TULP3: variants seen among roughly 807,000 people sequenced by gnomAD.
TULP3 encodes the protein tubby-related protein 3.
TULP3 carries 38 observed loss-of-function variants against 50.7 expected under a neutral mutation model. The ratio of observed to expected loss-of-function variants is 0.75; its 90% CI spans 0.58 to 0.98. The LOEUF is 0.98. Ranked by LOEUF, TULP3 falls within the 50% of genes least tolerant of loss-of-function variation. The pLI is 0.00. For synonymous variants in TULP3, 183 were observed against 196.6 expected (o/e 0.93, Z 0.58); for missense variants, 550 against 568.0 (o/e 0.97, Z 0.32).
intron 4 of TULP3, among the ~76,000 whole-genome samples, chr12:2,926,567 T>C (rs1412214083): frequency 6.6e-6 from 1 of 152,150 alleles, no homozygotes; most frequent in Non-Finnish European, 1.5e-5. Context: ...GTAACAACTC[T>C]TTTGAGATAT....
Position 2,922,246 on chromosome 12 carries a change from T to G in TULP3, c.254-16T>G, listed in dbSNP as rs2098192221. On this transcript the variant is annotated splice_polypyrimidine_tract_variant and intron_variant, in intron 3 of 10. Transcript: ENST00000448120. ...CTTTGCTCCTTTTTTAAAATTCATTTTATTTTGGCCCTTAGGTATTGATGG... is the reference window on the plus strand; with the variant it reads ...CTTTGCTCCTTTTTTAAAATTCATTGTATTTTGGCCCTTAGGTATTGATGG... The G allele has an allele frequency of 6.2e-7, 1 of 1,601,988 alleles. No individual in the cohort carries two copies. Among genetic ancestry groups the G allele is most frequent in the Admixed American group, 1.8e-5 (1 of 55,938 alleles).
chr12:2,930,465 C>T, intron 5 of TULP3, 120 bp downstream of exon 5: 1 of 659,034 alleles, frequency 1.5e-6, no homozygotes, highest in Admixed American at 3.2e-5. Flanking sequence ...GCTCTGTCAC[C>T]CAGGCTGGAG....
chr12:2,940,554 A>C lies in TULP3; in HGVS notation c.*1110A>C. 1 of 1,551,008 alleles carries C rather than the reference A, an allele frequency of 6.4e-7. No homozygotes were observed. The highest frequency in any genetic ancestry group is 8.7e-7 in the Non-Finnish European group (1 of 1,146,606). On this transcript the variant is annotated 3_prime_UTR_variant, in exon 11 of 11. Coordinates refer to ENST00000448120, the MANE Select transcript of TULP3 (RefSeq NM_003324.5). Reference sequence around the variant, plus strand: ...GAATGTATCCAAACCTTGAGAATGCAGGAGCTCTGTGAGCTCCACCGTCAG... The same window carrying C: ...GAATGTATCCAAACCTTGAGAATGCCGGAGCTCTGTGAGCTCCACCGTCAG...
At chr12:2,916,945 A>G (rs1370865519) in intron 2 of TULP3, among the ~76,000 whole-genome samples, 2 of 152,134 alleles carry the variant, frequency 1.3e-5, no homozygotes, top group Non-Finnish European at 2.9e-5. Flanking sequence ...AAGTAGATAG[A>G]GAGAGGCTTC....
chr12:2,921,320 T>G (rs1383541526), intron 3 of TULP3, among the ~76,000 whole-genome samples: 2 of 152,088 alleles, frequency 1.3e-5, no homozygotes, highest in Admixed American at 1.3e-4. Flanking sequence ...TTTTATACTT[T>G]TAGTAGAGAC....
At chr12:2,902,554 G>A (rs2098179860) in intron 1 of TULP3, among the ~76,000 whole-genome samples, 1 of 152,196 alleles carries the variant, frequency 6.6e-6, no homozygotes, top group East Asian at 1.9e-4. Flanking sequence ...AGTGGCAATA[G>A]ATTTTGTGTT....
intron 2 of TULP3, 52 bp from the exon 3 acceptor site, chr12:2,920,711 T>C (rs2098191161): frequency 6.2e-7 from 1 of 1,601,440 alleles, no homozygotes; most frequent in African/African-American, 1.3e-5. Context: ...TTGGAAATGG[T>C]TAGGTCATGT....
intron 1 of TULP3, among the ~76,000 whole-genome samples, chr12:2,901,161 G>A (rs2098179006): frequency 6.6e-6 from 1 of 151,630 alleles, no homozygotes; most frequent in Non-Finnish European, 1.5e-5. Flanking sequence ...TCCCCAGGCT[G>A]GAGTGCAGTG....
At chr12:2,902,450 T>G (rs929189731) in intron 1 of TULP3, among the ~76,000 whole-genome samples, 2 of 152,188 alleles carry the variant, frequency 1.3e-5, no homozygotes, top group African/African-American at 4.8e-5. Context: ...CTGTTTAGCC[T>G]CCTGCATCAG....
chr12:2,894,056 G>C (rs2098173906), intron 1 of TULP3, among the ~76,000 whole-genome samples: 1 of 152,086 alleles, frequency 6.6e-6, no homozygotes, highest in South Asian at 2.1e-4. Context: ...GGAGATGACG[G>C]GGGTTGGCTG....
chr12:2,911,894 A>T (rs2098185894), intron 2 of TULP3, among the ~76,000 whole-genome samples: 1 of 151,546 alleles, frequency 6.6e-6, no homozygotes, highest in Non-Finnish European at 1.5e-5. Context: ...GAGGCTGAGG[A>T]GGAAGGATCC....
At chr12:2,904,892 G>A (rs1396210465) in intron 1 of TULP3, among the ~76,000 whole-genome samples, 1 of 151,984 alleles carries the variant, frequency 6.6e-6, no homozygotes, top group African/African-American at 2.4e-5. Context: ...TTTACCTGAA[G>A]TCAGGAGTTT....
intron 1 of TULP3, among the ~76,000 whole-genome samples, chr12:2,906,616 A>G (rs2098182420): frequency 6.6e-6 from 1 of 150,934 alleles, no homozygotes; most frequent in African/African-American, 2.4e-5. Context: ...GGCATGAGCC[A>G]CTGCGTCTGG....
Position 2,940,306 on chromosome 12 carries a change from A to C in TULP3, c.*862A>C. On this transcript the variant is annotated 3_prime_UTR_variant, in exon 11 of 11. Transcript: ENST00000448120. Reference sequence around the variant, plus strand: ...ATTATCAAGAGAGATGGCAGTATTGACCATTTAGTTTAGTTAAAAAAAAAA... The same window carrying C: ...ATTATCAAGAGAGATGGCAGTATTGCCCATTTAGTTTAGTTAAAAAAAAAA... 1 of 1,439,142 alleles carries C rather than the reference A, an allele frequency of 6.9e-7. No homozygotes were observed. The highest frequency in any genetic ancestry group is 9.1e-7 in the Non-Finnish European group (1 of 1,095,134). The allele number at this position is 1,439,142 out of a possible 1,614,324, so 89.1% of individuals were successfully genotyped here. A position where few individuals can be genotyped will look rare whatever the true frequency, so the allele number is the denominator to read the frequency against.
intron 1 of TULP3, among the ~76,000 whole-genome samples, chr12:2,904,678 G>A (rs1019777180): frequency 3.9e-5 from 6 of 152,098 alleles, no homozygotes; most frequent in African/African-American, 1.2e-4. Flanking sequence ...AGAAAAATGA[G>A]AGGAAAAAGA....
chr12:2,930,962 C>T (rs2098197630), intron 5 of TULP3, 75 bp from the exon 6 acceptor site: 1 of 1,516,968 alleles, frequency 6.6e-7, no homozygotes, highest in Non-Finnish European at 9.2e-7. Context: ...GTTGCTTTGT[C>T]CACTAAGTGT....
At chr12:2,928,848 GAC>G (rs1456873789) in intron 4 of TULP3, among the ~76,000 whole-genome samples, 1 of 152,038 alleles carries the variant, frequency 6.6e-6, no homozygotes, top group Non-Finnish European at 1.5e-5. Context: ...GGGAGGCTGA[GAC>G]AAGAGAATTG....
At chr12:2,922,054 G>T (rs756399763) in intron 3 of TULP3, among the ~76,000 whole-genome samples, 2 of 152,158 alleles carry the variant, frequency 1.3e-5, no homozygotes, top group Non-Finnish European at 2.9e-5. Context: ...CTGCTCTCCA[G>T]CCTGGGTGAC....
At chr12:2,936,041 T>A (rs2098201051) in intron 8 of TULP3, among the ~76,000 whole-genome samples, 1 of 150,596 alleles carries the variant, frequency 6.6e-6, no homozygotes, top group African/African-American at 2.4e-5. Context: ...CCGAGGCCGG[T>A]GGATCACCTG....
Sources: allele counts gnomAD v4.1 joint callset (sites outside exome capture counted in the v4.1 genomes callset), GRCh38; gene constraint gnomAD v4.1.1; transcripts MANE v1.5; gene names NCBI Gene and HGNC (gene_info 2026-07-23, HGNC 2026-07-21).